The following LHFPL6 variants were observed in gnomAD, a reference collection of about 807,000 sequenced individuals.
LHFPL6 encodes the protein LHFPL tetraspan subfamily member 6 protein.
Under a neutral mutation model 20.6 loss-of-function variants are expected in LHFPL6, and 9 were observed. That is an observed-to-expected ratio of 0.44 (90% CI 0.26 to 0.76). LHFPL6 has a LOEUF of 0.76. Ranked by LOEUF, LHFPL6 falls within the 30% of genes least tolerant of loss-of-function variation. The probability of loss-of-function intolerance (pLI) is 0.20; values close to 1 mark genes in which losing one functional copy is unlikely to be tolerated. For missense variants in LHFPL6, 218 were observed against 253.5 expected, an observed-to-expected ratio of 0.86 and a Z score of 0.95; for synonymous variants, 105 against 98.7, an observed-to-expected ratio of 1.06 and a Z score of -0.38.
At chr13:39,468,647 C>G (rs879943520) in intron 2 of LHFPL6, among the ~76,000 whole-genome samples, 1 of 152,144 alleles carries the variant, frequency 6.6e-6, no homozygotes, top group Admixed American at 6.5e-5. Context: ...TTATTCATAT[C>G]CCCAGGAAAT....
At chr13:39,564,937 G>T (rs1378001728) in intron 2 of LHFPL6, among the ~76,000 whole-genome samples, 1 of 152,136 alleles carries the variant, frequency 6.6e-6, no homozygotes, top group Non-Finnish European at 1.5e-5. Context: ...CGTTCAATAA[G>T]AAGTAAAGTA....
intron 2 of LHFPL6, among the ~76,000 whole-genome samples, chr13:39,528,903 A>G (rs543306362): frequency 6.6e-6 from 1 of 152,314 alleles, no homozygotes; most frequent in South Asian, 2.1e-4. Context: ...AAGGAAAAAA[A>G]TGTATATGGC....
chr13:39,590,627 G>T (rs1278938442), intron 2 of LHFPL6, among the ~76,000 whole-genome samples: 1 of 152,190 alleles, frequency 6.6e-6, no homozygotes, highest in South Asian at 2.1e-4. Context: ...TACAGAGTGT[G>T]TAACAGTGAT....
chr13:39,579,855 G>C (rs536369515), intron 2 of LHFPL6, among the ~76,000 whole-genome samples: 1 of 152,168 alleles, frequency 6.6e-6, no homozygotes, highest in African/African-American at 2.4e-5. Context: ...GCATCTTTCT[G>C]AGGAAAAGAG....
At position 39,343,770 on chromosome 13, in the gene LHFPL6, C is replaced by T; in HGVS notation, c.*166G>A. The T allele has an allele frequency of 1.7e-6, 1 of 590,324 alleles. No homozygotes were observed. Among genetic ancestry groups the T allele is most frequent in the Non-Finnish European group, 3.0e-6 (1 of 334,488 alleles). 36.6% of individuals were successfully genotyped at this position (590,324 alleles called of 1,614,324 possible). On this transcript the variant is annotated 3_prime_UTR_variant, in exon 4 of 4. Transcript: ENST00000379589. ...TTTTTTTTCCCCCACAAATCTCCTA[C>T]AATCCTTCCTTCCTATATCATGTTC... is the stretch of plus-strand genomic sequence containing the variant.
chr13:39,500,733 G>T (rs1034765959), intron 2 of LHFPL6, among the ~76,000 whole-genome samples: 1 of 151,986 alleles, frequency 6.6e-6, no homozygotes, highest in Admixed American at 6.6e-5. Flanking sequence ...TGTATACTAC[G>T]CCTCTTGATA....
At chr13:39,463,635 T>C (rs980636492) in intron 2 of LHFPL6, among the ~76,000 whole-genome samples, 3 of 151,932 alleles carry the variant, frequency 2.0e-5, no homozygotes, top group Non-Finnish European at 2.9e-5. Flanking sequence ...GGCTCTACAG[T>C]TGGATGAGAA....
chr13:39,519,608 T>C (rs1427410328), intron 2 of LHFPL6, among the ~76,000 whole-genome samples: 1 of 152,224 alleles, frequency 6.6e-6, no homozygotes, highest in Non-Finnish European at 1.5e-5. Context: ...AATAGATTTT[T>C]TTCTTTTTCT....
At chr13:39,533,261 C>A (rs1339140678) in intron 2 of LHFPL6, among the ~76,000 whole-genome samples, 13 of 152,132 alleles carry the variant, frequency 8.5e-5, no homozygotes, top group Non-Finnish European at 4.4e-5. Context: ...ACAAAGAATA[C>A]CCCCAATATA....
intron 2 of LHFPL6, among the ~76,000 whole-genome samples, chr13:39,591,612 T>C (rs1400182886): frequency 1.3e-5 from 2 of 152,110 alleles, no homozygotes; most frequent in East Asian, 3.9e-4. Context: ...TTTAGGCAAA[T>C]AAAATTGGTT....
intron 2 of LHFPL6, among the ~76,000 whole-genome samples, chr13:39,465,109 A>G (rs1872771148): frequency 6.6e-6 from 1 of 152,198 alleles, no homozygotes; most frequent in African/African-American, 2.4e-5. Context: ...ATAAAGAAAA[A>G]ATTGAAGATT....
intron 2 of LHFPL6, among the ~76,000 whole-genome samples, chr13:39,491,304 C>A (rs1012220940): frequency 6.6e-6 from 1 of 152,108 alleles, no homozygotes; most frequent in Non-Finnish European, 1.5e-5. Context: ...GGGAAAATAG[C>A]ATTTCTGACA....
chr13:39,589,122 T>G (rs1040871002), intron 2 of LHFPL6, among the ~76,000 whole-genome samples: 1 of 152,124 alleles, frequency 6.6e-6, no homozygotes, highest in Non-Finnish European at 1.5e-5. Context: ...TAAATTTTTT[T>G]TTATTTTTTT....
At chr13:39,452,634 T>C (rs1300553166) in intron 2 of LHFPL6, among the ~76,000 whole-genome samples, 2 of 152,206 alleles carry the variant, frequency 1.3e-5, no homozygotes, top group African/African-American at 2.4e-5. Context: ...ATTATGATGA[T>C]ACCCAGACAC....
intron 2 of LHFPL6, among the ~76,000 whole-genome samples, chr13:39,528,876 T>C (rs916436354): frequency 6.6e-6 from 1 of 152,198 alleles, no homozygotes; most frequent in Admixed American, 6.5e-5. Flanking sequence ...ATTTATTTTG[T>C]TGCTTAGACA....
chr13:39,476,382 T>C lies in LHFPL6; in HGVS notation c.386-97856A>G, dbSNP rs541758726. On this transcript the variant is annotated intron_variant, in intron 2 of 3. Coordinates refer to ENST00000379589, the MANE Select transcript of LHFPL6 (RefSeq NM_005780.3). Reference sequence around the variant, plus strand: ...ATGTTAATTAAATTTAAAATAAAAATTTGAACTCTAAAAGGAAAACTAAAC... The same window carrying C: ...ATGTTAATTAAATTTAAAATAAAAACTTGAACTCTAAAAGGAAAACTAAAC... Among the ~76,000 whole-genome samples, 3 of 152,294 alleles carry C rather than the reference T, an allele frequency of 2.0e-5. No homozygotes were observed. The South Asian group carries it at 6.2e-4, about 32-fold the overall frequency.
chr13:39,505,453 T>C (rs1217676925), intron 2 of LHFPL6, among the ~76,000 whole-genome samples: 1 of 151,982 alleles, frequency 6.6e-6, no homozygotes, highest in Non-Finnish European at 1.5e-5. Flanking sequence ...ATTATGTTAC[T>C]TGGTGGAGGA....
chr13:39,381,465 C>T (rs1241553904), intron 2 of LHFPL6, among the ~76,000 whole-genome samples: 2 of 152,068 alleles, frequency 1.3e-5, no homozygotes, highest in Non-Finnish European at 2.9e-5. Context: ...CTTCTCTCCC[C>T]TCTCACCCTT....
At chr13:39,543,654 G>T (rs928279434) in intron 2 of LHFPL6, among the ~76,000 whole-genome samples, 1 of 152,096 alleles carries the variant, frequency 6.6e-6, no homozygotes, top group African/African-American at 2.4e-5. Flanking sequence ...TCAGAGAAAA[G>T]AGTATCTACA....
Sources: gnomAD v4.1 joint callset for allele counts (sites outside exome capture counted in the v4.1 genomes callset) on GRCh38, gnomAD v4.1.1 for gene constraint, MANE v1.5 for transcripts, NCBI Gene and HGNC (gene_info 2026-07-23, HGNC 2026-07-21) for gene names.